Variants in DOK6 observed in about 807,000 individuals in gnomAD.
The protein encoded by DOK6 is docking protein 6.
DOK6 carries 22 observed loss-of-function variants against 44.0 expected under a neutral mutation model. The ratio of observed to expected loss-of-function variants is 0.50; its 90% CI spans 0.36 to 0.71. The LOEUF is 0.71. Among genes scored for constraint, DOK6 ranks in the 30% least tolerant of loss-of-function variants. DOK6 has a pLI of 0.00. For synonymous variants in DOK6, 166 were observed against 145.5 expected (o/e 1.14, Z -1.01); for missense variants, 340 against 416.4 (o/e 0.82, Z 1.60).
chr18:69,696,860 G>C (rs1986400605), intron 4 of DOK6, among the ~76,000 whole-genome samples: 1 of 152,088 alleles, frequency 6.6e-6, no homozygotes, highest in Non-Finnish European at 1.5e-5. Context: ...TAAGCTATTG[G>C]GAATATGTAT....
chr18:69,747,572 G>C (rs951838540), intron 6 of DOK6, among the ~76,000 whole-genome samples: 1 of 152,046 alleles, frequency 6.6e-6, no homozygotes. Flanking sequence ...AATATATTAG[G>C]GAGGAAGCTC....
chr18:69,435,899 A>G (rs1161244868), intron 1 of DOK6, among the ~76,000 whole-genome samples: 1 of 152,016 alleles, frequency 6.6e-6, no homozygotes, highest in African/African-American at 2.4e-5. Flanking sequence ...ATGTATAAAG[A>G]TACTATTTAA....
intron 1 of DOK6, among the ~76,000 whole-genome samples, chr18:69,402,377 C>T (rs1391058514): frequency 6.6e-6 from 1 of 152,116 alleles, no homozygotes; most frequent in Non-Finnish European, 1.5e-5. Context: ...GATGAATCCT[C>T]CAACTTGGAG....
chr18:69,491,225 A>G (rs1317850727), intron 1 of DOK6, among the ~76,000 whole-genome samples: 2 of 152,200 alleles, frequency 1.3e-5, no homozygotes, highest in African/African-American at 4.8e-5. Context: ...TAACCAACCA[A>G]TGTTATCAGT....
intron 1 of DOK6, among the ~76,000 whole-genome samples, chr18:69,438,424 G>A (rs1048951684): frequency 6.6e-6 from 1 of 152,012 alleles, no homozygotes; most frequent in Admixed American, 6.6e-5. Context: ...ACATCTTTAG[G>A]TTCCACTTCT....
intron 3 of DOK6, among the ~76,000 whole-genome samples, chr18:69,639,991 T>C (rs1984901963): frequency 6.6e-6 from 1 of 152,180 alleles, no homozygotes; most frequent in South Asian, 2.1e-4. Flanking sequence ...CAGGTAACCA[T>C]GAGCACCTTG....
rs1480412335 is a variant in DOK6 at position 69,411,269 on chromosome 18, G to A, written c.66+9959G>A. 2.0e-5 allele frequency among the ~76,000 whole-genome samples: 3 copies of A among 152,190 alleles called. No individual in the cohort carries two copies. In the East Asian group the frequency reaches 5.8e-4, roughly 29 times the overall value. On this transcript the variant is annotated intron_variant, in intron 1 of 7. Transcript: ENST00000382713. ...GAAAAGATCCAGAATAAGGGTGCTT[G>A]TAGTGTTCTAAGAAGCTGGGAAGTT...
At chr18:69,724,184 G>C (rs1241639821) in intron 5 of DOK6, among the ~76,000 whole-genome samples, 3 of 151,914 alleles carry the variant, frequency 2.0e-5, no homozygotes, top group Non-Finnish European at 2.9e-5. Context: ...AAAAATAGTG[G>C]GAATTATATA....
At chr18:69,576,569 C>T (rs536348921) in intron 2 of DOK6, among the ~76,000 whole-genome samples, 1 of 152,086 alleles carries the variant, frequency 6.6e-6, no homozygotes. Flanking sequence ...TTAATGGTCT[C>T]ATTTAGACAT....
rs532666554 is a variant in DOK6 at position 69,824,098 on chromosome 18, G to A, written c.857-17146G>A. On this transcript the variant is annotated intron_variant, in intron 7 of 7. Transcript: ENST00000382713. ...TTAGGGTACATGTGCACAACGTGCA[G>A]GTTAGTTACATATGTATACATGTGC... Among the ~76,000 whole-genome samples, 617 of 151,604 alleles carry A rather than the reference G, an allele frequency of 4.1e-3. 3 individuals are homozygous for A. Among genetic ancestry groups the A allele is most frequent in the Non-Finnish European group, 7.3e-3 (497 of 67,922 alleles).
chr18:69,433,903 A>G (rs1978875731), intron 1 of DOK6, among the ~76,000 whole-genome samples: 1 of 152,200 alleles, frequency 6.6e-6, no homozygotes, highest in Non-Finnish European at 1.5e-5. Context: ...GATTTTCTAT[A>G]TACTATATAA....
chr18:69,547,392 C>A (rs1193882713), intron 1 of DOK6, among the ~76,000 whole-genome samples: 7 of 151,312 alleles, frequency 4.6e-5, no homozygotes, highest in African/African-American at 1.7e-4. Context: ...AGCCACTGCA[C>A]CCTGCCGGGC....
At chr18:69,726,473 G>A (rs982587062) in intron 5 of DOK6, among the ~76,000 whole-genome samples, 6 of 151,996 alleles carry the variant, frequency 3.9e-5, no homozygotes, top group Non-Finnish European at 7.4e-5. Context: ...TCTTAATGTC[G>A]CGTGTGAATG....
In DOK6 at chr18:69,841,425, G is replaced by A. The variant is rs755544608; in HGVS notation, c.*42G>A. 1.2e-6 allele frequency: 2 copies of A among 1,611,558 alleles called. No individual in the cohort carries two copies. Among genetic ancestry groups the A allele is most frequent in the South Asian group, 2.2e-5 (2 of 90,994 alleles). On this transcript the variant is annotated 3_prime_UTR_variant, in exon 8 of 8. Coordinates refer to ENST00000382713, the MANE Select transcript of DOK6 (RefSeq NM_152721.6). ...GTTGACTAGAGAGACAGTCTGTCCT[G>A]GACCCGTCTGTGGGGTCATTACCCT... is the stretch of plus-strand genomic sequence containing the variant.
At chr18:69,554,603 G>A (rs145126257) in intron 1 of DOK6, among the ~76,000 whole-genome samples, 4 of 152,136 alleles carry the variant, frequency 2.6e-5, no homozygotes, top group African/African-American at 9.6e-5. Context: ...ATGCTATAAT[G>A]GCCATTCTTC....
chr18:69,438,097 G>C (rs968561364), intron 1 of DOK6, among the ~76,000 whole-genome samples: 2 of 152,142 alleles, frequency 1.3e-5, no homozygotes, highest in African/African-American at 2.4e-5. Flanking sequence ...GAAAGTTGGG[G>C]TGGGTGTGGC....
intron 6 of DOK6, among the ~76,000 whole-genome samples, chr18:69,745,627 T>G (rs1440762228): frequency 6.7e-6 from 1 of 150,054 alleles, no homozygotes; most frequent in Non-Finnish European, 1.5e-5. Context: ...AGAAACACAG[T>G]AGGATTTCAG....
intron 6 of DOK6, among the ~76,000 whole-genome samples, chr18:69,746,500 C>T (rs900814177): frequency 5.9e-5 from 9 of 152,164 alleles, no homozygotes; most frequent in Non-Finnish European, 1.3e-4. Flanking sequence ...AGGCAATCTG[C>T]CCAGTTTGGC....
intron 1 of DOK6, among the ~76,000 whole-genome samples, chr18:69,455,250 C>T: frequency 6.7e-6 from 1 of 149,334 alleles, no homozygotes; most frequent in Non-Finnish European, 1.5e-5. Flanking sequence ...CACAGAACAT[C>T]ATGAAAGAAA....
Sources: allele counts gnomAD v4.1 joint callset (sites outside exome capture counted in the v4.1 genomes callset), GRCh38; gene constraint gnomAD v4.1.1; transcripts MANE v1.5; gene names NCBI Gene and HGNC (gene_info 2026-07-23, HGNC 2026-07-21).